The following GALNTL6 variants were observed in gnomAD, a reference collection of about 807,000 sequenced individuals.
The protein encoded by GALNTL6 is polypeptide N-acetylgalactosaminyltransferase like 6, also known as polypeptide N-acetylgalactosaminyltransferase-like 6.
GALNTL6 carries 46 observed loss-of-function variants against 73.7 expected under a neutral mutation model. The ratio of observed to expected loss-of-function variants is 0.62; its 90% confidence interval spans 0.49 to 0.80. The LOEUF (loss-of-function observed/expected upper bound fraction) is 0.80. Ranked by LOEUF, GALNTL6 falls within the 30% of genes least tolerant of loss-of-function variation. The pLI is 0.00. For missense variants in GALNTL6, 604 were observed against 755.0 expected (o/e 0.80, Z 2.34); for synonymous variants, 259 against 263.7 (o/e 0.98, Z 0.17).
intron 2 of GALNTL6, among the ~76,000 whole-genome samples, chr4:172,048,602 T>C (rs1290628733): frequency 6.6e-6 from 1 of 152,204 alleles, no homozygotes; most frequent in Non-Finnish European, 1.5e-5. Context: ...TTATGTAGAT[T>C]ATATTATGTG....
intron 2 of GALNTL6, among the ~76,000 whole-genome samples, chr4:171,875,515 A>G (rs933379723): frequency 5.3e-5 from 8 of 152,088 alleles, no homozygotes; most frequent in African/African-American, 1.7e-4. Flanking sequence ...CAGGTGATCA[A>G]TACGAATCCT....
In GALNTL6 at chr4:172,643,767, A is replaced by G. The variant is rs570364903; in HGVS notation, c.554-165594A>G. ...GTAATTCATTCATTCTTCTTAATCT[A>G]TAATCCTCCAGTGTATTAATATACC... On this transcript the variant is annotated intron_variant, in intron 5 of 12. Transcript: ENST00000506823. Among the ~76,000 whole-genome samples, 6 of 152,136 alleles carry G rather than the reference A, an allele frequency of 3.9e-5. No individual in the cohort carries two copies. The South Asian group carries it at 1.0e-3, about 26-fold the overall frequency.
intron 2 of GALNTL6, among the ~76,000 whole-genome samples, chr4:171,884,950 G>A (rs572566767): frequency 1.3e-4 from 20 of 151,932 alleles, no homozygotes; most frequent in Non-Finnish European, 2.2e-4. Context: ...CCAGCTACTC[G>A]GAAGGCTGAG....
chr4:172,083,470 A>G (rs1477619535), intron 2 of GALNTL6, among the ~76,000 whole-genome samples: 1 of 152,194 alleles, frequency 6.6e-6, no homozygotes, highest in African/African-American at 2.4e-5. Flanking sequence ...TGTTCCTCAA[A>G]CACAATATCA....
chr4:172,769,683 A>G (rs1738643885), intron 5 of GALNTL6, among the ~76,000 whole-genome samples: 1 of 152,244 alleles, frequency 6.6e-6, no homozygotes, highest in South Asian at 2.1e-4. Flanking sequence ...CTGTCTTTAC[A>G]TTATATTTAT....
intron 4 of GALNTL6, among the ~76,000 whole-genome samples, chr4:172,326,698 A>G (rs1479749824): frequency 6.6e-6 from 1 of 151,970 alleles, no homozygotes; most frequent in Non-Finnish European, 1.5e-5. Flanking sequence ...ATGTTGTCTT[A>G]AATTTATCAT....
At chr4:172,685,840 A>G (rs1341283748) in intron 5 of GALNTL6, among the ~76,000 whole-genome samples, 1 of 152,106 alleles carries the variant, frequency 6.6e-6, no homozygotes, top group Non-Finnish European at 1.5e-5. Context: ...CTGGCATCAT[A>G]TTTTTCTCCA....
intron 5 of GALNTL6, among the ~76,000 whole-genome samples, chr4:172,706,276 A>T (rs536607159): frequency 1.3e-5 from 2 of 151,772 alleles, no homozygotes; most frequent in South Asian, 2.1e-4. Context: ...TGACCATTGT[A>T]TTTCTAAGCT....
chr4:172,927,084 A>G (rs1293143028), intron 8 of GALNTL6, among the ~76,000 whole-genome samples: 1 of 152,148 alleles, frequency 6.6e-6, no homozygotes, highest in Non-Finnish European at 1.5e-5. Flanking sequence ...TAATGATTCT[A>G]CCATCTGCTA....
intron 2 of GALNTL6, among the ~76,000 whole-genome samples, chr4:171,962,786 G>A (rs1373961537): frequency 7.1e-4 from 2 of 2,808 alleles, no homozygotes; most frequent in Middle Eastern, 0.071. Flanking sequence ...TTTTTTTTGT[G>A]AGATGATGTC....
At chr4:172,626,874 A>G (rs1247443739) in intron 5 of GALNTL6, among the ~76,000 whole-genome samples, 2 of 152,114 alleles carry the variant, frequency 1.3e-5, no homozygotes, top group African/African-American at 4.8e-5. Flanking sequence ...AATCATTTTT[A>G]TCAGTTTCAG....
At chr4:172,096,068 C>A (rs1051172273) in intron 2 of GALNTL6, among the ~76,000 whole-genome samples, 1 of 124,334 alleles carries the variant, frequency 8.0e-6, no homozygotes, top group Non-Finnish European at 1.7e-5. Context: ...TTTTCGATTT[C>A]TCTCTCTCTC....
intron 5 of GALNTL6, among the ~76,000 whole-genome samples, chr4:172,740,854 C>A (rs1458082378): frequency 6.6e-6 from 1 of 151,930 alleles, no homozygotes; most frequent in East Asian, 1.9e-4. Context: ...TGTGAGTTAC[C>A]GTGCTATTGG....
At chr4:172,164,729 G>A (rs764620674) in intron 2 of GALNTL6, among the ~76,000 whole-genome samples, 1 of 151,984 alleles carries the variant, frequency 6.6e-6, no homozygotes, top group Non-Finnish European at 1.5e-5. Flanking sequence ...AAATGGCTAG[G>A]AATATTTATA....
rs535255858 is a variant in GALNTL6, at chr4:172,575,129, A to G, written c.553+226440A>G. Among the ~76,000 whole-genome samples the G allele has an allele frequency of 2.0e-5, 3 of 152,316 alleles. No individual in the cohort carries two copies. In the South Asian group the frequency reaches 6.2e-4, roughly 32 times the overall value. The stretch of plus-strand genomic sequence containing the variant: ...TATCAGGGGATTCCTAGCCTTGCCG[A>G]TACAACTCTGCCTTCATGACATGCG... On this transcript the variant is annotated intron_variant, in intron 5 of 12. Transcript: ENST00000506823.
intron 5 of GALNTL6, among the ~76,000 whole-genome samples, chr4:172,369,451 G>A (rs1302685655): frequency 6.6e-6 from 1 of 152,200 alleles, no homozygotes; most frequent in East Asian, 1.9e-4. Flanking sequence ...TGCGGGTGGA[G>A]CTGCCCATCA....
intron 3 of GALNTL6, among the ~76,000 whole-genome samples, chr4:172,272,267 T>G (rs778896546): frequency 9.9e-5 from 15 of 152,182 alleles, no homozygotes; most frequent in Admixed American, 7.9e-4. Flanking sequence ...ATGGCCATCA[T>G]AGTTTAATGA....
intron 2 of GALNTL6, among the ~76,000 whole-genome samples, chr4:171,971,479 T>C (rs537632013): frequency 3.3e-5 from 5 of 152,312 alleles, no homozygotes; most frequent in East Asian, 1.9e-4. Context: ...AGATTCCTTA[T>C]GCATTTTCTG....
At chr4:172,566,192 C>T (rs1355710590) in intron 5 of GALNTL6, among the ~76,000 whole-genome samples, 2 of 152,074 alleles carry the variant, frequency 1.3e-5, no homozygotes, top group African/African-American at 4.8e-5. Context: ...AGATTTAGTA[C>T]ACCTAACATA....
Sources: allele counts gnomAD v4.1 joint callset (sites outside exome capture counted in the v4.1 genomes callset), GRCh38; gene constraint gnomAD v4.1.1; transcripts MANE v1.5; gene names NCBI Gene and HGNC (gene_info 2026-07-23, HGNC 2026-07-21).